Variants in MMAA observed in about 807,000 individuals in gnomAD.
MMAA encodes the protein metabolism of cobalamin associated A, also known as methylmalonic aciduria type A protein, mitochondrial.
MMAA carries 41 observed loss-of-function variants against 45.0 expected under a neutral mutation model. That is an observed-to-expected ratio of 0.91 (90% CI 0.71 to 1.18). The LOEUF (loss-of-function observed/expected upper bound fraction) is 1.18. MMAA is among the 50% of genes most tolerant of loss of function. The pLI, the probability that MMAA is intolerant of heterozygous loss-of-function variation, is 0.00. For synonymous variants in MMAA, 154 were observed against 178.2 expected, an observed-to-expected ratio of 0.86 and a Z score of 1.08; for missense variants, 460 against 495.7, an observed-to-expected ratio of 0.93 and a Z score of 0.68.
intron 4 of MMAA, chr4:145,646,358 G>A: frequency 1.7e-6 from 1 of 596,400 alleles, no homozygotes; most frequent in Non-Finnish European, 2.9e-6. Flanking sequence ...GTAAAAATAA[G>A]CCATCTATCT....
intron 1 of MMAA, among the ~76,000 whole-genome samples, chr4:145,637,983 C>T (rs1727665289): frequency 6.6e-6 from 1 of 152,214 alleles, no homozygotes; most frequent in African/African-American, 2.4e-5. Flanking sequence ...GACCGCGGCT[C>T]ATAACCTCTG....
intron 1 of MMAA, among the ~76,000 whole-genome samples, chr4:145,637,919 T>C (rs1392308517): frequency 6.6e-6 from 1 of 152,150 alleles, no homozygotes; most frequent in Non-Finnish European, 1.5e-5. Context: ...AGGCACAGAG[T>C]GGTCAAGTAA....
chr4:145,626,428 C>T (rs188317794), intron 1 of MMAA, among the ~76,000 whole-genome samples: 6 of 152,090 alleles, frequency 3.9e-5, no homozygotes, highest in Non-Finnish European at 5.9e-5. Flanking sequence ...AATTATTGTC[C>T]GTGGAGCAAA....
chr4:145,625,813 C>T, intron 1 of MMAA: 1 of 1,145,012 alleles, frequency 8.7e-7, no homozygotes, highest in Non-Finnish European at 1.3e-6. Context: ...TAGATGAGGT[C>T]CACCTGTTCA....
chr4:145,650,863 G>A, intron 4 of MMAA, 199 bp from the exon 5 acceptor site: 2 of 608,276 alleles, frequency 3.3e-6, no homozygotes, highest in Non-Finnish European at 5.9e-6. Flanking sequence ...GGGAGAGCTG[G>A]GAAGGATAAC....
intron 1 of MMAA, among the ~76,000 whole-genome samples, chr4:145,622,287 A>G (rs1194064257): frequency 1.3e-5 from 2 of 152,198 alleles, no homozygotes; most frequent in Non-Finnish European, 2.9e-5. Flanking sequence ...GCTGCCATCC[A>G]TGTAAGACAT....
chr4:145,645,378 A>G (rs1397980912), intron 3 of MMAA, among the ~76,000 whole-genome samples: 1 of 152,168 alleles, frequency 6.6e-6, no homozygotes. Flanking sequence ...TATAAGGTGG[A>G]TAAGTTCTGT....
At chr4:145,652,072 A>C (rs996350844) in intron 5 of MMAA, among the ~76,000 whole-genome samples, 2 of 152,132 alleles carry the variant, frequency 1.3e-5, no homozygotes, top group Non-Finnish European at 2.9e-5. Context: ...TCAGGAAAGC[A>C]CTATATTACA....
intron 2 of MMAA, among the ~76,000 whole-genome samples, chr4:145,641,218 G>A (rs1727772031): frequency 6.6e-6 from 1 of 152,152 alleles, no homozygotes; most frequent in Non-Finnish European, 1.5e-5. Context: ...TTCTAGGTAT[G>A]ACAAAGTGCC....
intron 2 of MMAA, among the ~76,000 whole-genome samples, chr4:145,640,361 T>C (rs969793561): frequency 2.6e-5 from 4 of 151,998 alleles, no homozygotes; most frequent in Non-Finnish European, 4.4e-5. Flanking sequence ...GATCCACCCG[T>C]CTTGGCCTCC....
At chr4:145,651,733 T>A (rs567719164) in intron 5 of MMAA, among the ~76,000 whole-genome samples, 1 of 152,226 alleles carries the variant, frequency 6.6e-6, no homozygotes, top group Non-Finnish European at 1.5e-5. Context: ...AGAACAGTGG[T>A]CCCCAACCTT....
intron 4 of MMAA, among the ~76,000 whole-genome samples, chr4:145,649,152 G>T (rs957556845): frequency 6.7e-6 from 1 of 148,868 alleles, no homozygotes; most frequent in Non-Finnish European, 1.5e-5. Context: ...AAAAAAATTA[G>T]CCAGGCATTG....
chr4:145,642,355 C>G lies in MMAA; in HGVS notation c.440-8C>G. ...TTCATTGAATTAGAAGATCTCTTTC[C>G]ACCGTAGGATTGTCTGGGCCCCCTG... is the stretch of plus-strand genomic sequence containing the variant. On this transcript the variant is annotated splice_polypyrimidine_tract_variant and splice_region_variant and intron_variant, in intron 2 of 6. Coordinates refer to ENST00000649156, the MANE Select transcript of MMAA (RefSeq NM_172250.3). 6.2e-7 allele frequency: 1 copy of G among 1,613,642 alleles called. No homozygotes were observed. The highest frequency in any genetic ancestry group is 8.5e-7 in the Non-Finnish European group (1 of 1,179,890).
intron 1 of MMAA, among the ~76,000 whole-genome samples, chr4:145,631,272 T>C (rs1211621863): frequency 6.6e-6 from 1 of 152,212 alleles, no homozygotes; most frequent in Non-Finnish European, 1.5e-5. Context: ...TATTATTGTA[T>C]TGGGGTCTAT....
rs1267434098 is a variant in MMAA at position 145,651,091 on chromosome 4, G to C, written c.763G>C (p.Asp255His). Reference protein sequence around the residue: ...GVGQSEFAVADMVDMFVLLLP... With the variant: ...GVGQSEFAVAHMVDMFVLLLP... ...GGGTCAGTCGGAGTTTGCTGTTGCT[G>C]ACATGGTTGACATGTTTGTTTTACT... is the stretch of plus-strand genomic sequence containing the variant. The change falls in exon 5 of 7, where the codon GAC becomes CAC. Residue 255 changes from aspartate (D) to histidine (H), a missense_variant. Physicochemically the swap from Asp to His is moderately conservative, Grantham distance 81. Coordinates refer to ENST00000649156, the MANE Select transcript of MMAA (RefSeq NM_172250.3). The C allele has an allele frequency of 6.2e-7, 1 of 1,614,050 alleles. No homozygotes were observed. The highest frequency in any genetic ancestry group is 1.3e-5 in the African/African-American group (1 of 74,934).
chr4:145,620,304 G>A (rs1441185618), intron 1 of MMAA, among the ~76,000 whole-genome samples: 2 of 152,174 alleles, frequency 1.3e-5, no homozygotes, highest in African/African-American at 4.8e-5. Flanking sequence ...AGCATGAAAA[G>A]TTACATATCC....
Position 145,626,715 on chromosome 4 carries a change from C to T in MMAA, c.-66+7308C>T, listed in dbSNP as rs138445895. 2.7e-3 allele frequency among the ~76,000 whole-genome samples: 407 copies of T among 152,224 alleles called. 2 individuals carry two copies. The highest frequency in any genetic ancestry group is 9.3e-3 in the African/African-American group (386 of 41,534). Reference sequence around the variant, plus strand: ...AGGCCTTGGTGAATCAGCCTTATGCCGCTGAGCCTCACCTTTAAAATAGGA... The same window carrying T: ...AGGCCTTGGTGAATCAGCCTTATGCTGCTGAGCCTCACCTTTAAAATAGGA... On this transcript the variant is annotated intron_variant, in intron 1 of 6. Transcript: ENST00000649156.
intron 2 of MMAA, among the ~76,000 whole-genome samples, chr4:145,642,009 C>T (rs1727800700): frequency 6.6e-6 from 1 of 152,128 alleles, no homozygotes; most frequent in South Asian, 2.1e-4. Flanking sequence ...AGAATAATTA[C>T]TGATCATGAT....
Position 145,655,267 on chromosome 4 carries a change from A to T in MMAA, c.1090A>T (p.Lys364Ter), listed in dbSNP as rs763021619. The T allele has an allele frequency of 6.2e-7, 1 of 1,614,196 alleles. No individual in the cohort carries two copies. Among genetic ancestry groups the T allele is most frequent in the South Asian group, 1.1e-5 (1 of 91,082 alleles). The change falls in exon 7 of 7, where the codon AAA becomes TAA. Residue 364 changes from lysine (K) to a stop codon, truncating the protein, a stop_gained. Coordinates refer to ENST00000649156, the MANE Select transcript of MMAA (RefSeq NM_172250.3). LOFTEE classifies it high-confidence loss of function. ...GACTGCCAAACGACGGAAGCAACAG[A>T]AAGTTTGGATGTGGAATCTCATTCA... The part of the protein sequence containing the change: ...ELTAKRRKQQ[K>*]VWMWNLIQES...
Sources: allele counts gnomAD v4.1 joint callset (sites outside exome capture counted in the v4.1 genomes callset), GRCh38; gene constraint gnomAD v4.1.1; transcripts MANE v1.5; gene names NCBI Gene and HGNC (gene_info 2026-07-23, HGNC 2026-07-21).